Variants in ENTREP2 observed in about 807,000 individuals in gnomAD.
ENTREP2 encodes protein ENTREP2.
chr15:29,454,933 G>C, the ENTREP2 span, among the ~76,000 whole-genome samples: 1 of 152,324 alleles, frequency 6.6e-6, no homozygotes, highest in Admixed American at 6.5e-5. Context: ...AAAGCACTTA[G>C]AACAGTGGCT....
At chr15:29,299,681 A>G in the ENTREP2 span, among the ~76,000 whole-genome samples, 1 of 152,114 alleles carries the variant, frequency 6.6e-6, no homozygotes, top group African/African-American at 2.4e-5. Context: ...TTATCACTTT[A>G]TAATATATAA....
chr15:29,269,648 C>T, the ENTREP2 span: 1 of 1,573,190 alleles, frequency 6.4e-7, no homozygotes, highest in Non-Finnish European at 8.6e-7. Context: ...TGGCTCCAGT[C>T]TCTGTCCCTC....
chr15:29,134,619 G>A, the ENTREP2 span, among the ~76,000 whole-genome samples: 1 of 152,244 alleles, frequency 6.6e-6, no homozygotes, highest in Non-Finnish European at 1.5e-5. Flanking sequence ...GCACAGAGAA[G>A]TCACATCTCT....
chr15:29,621,522 C>CAAA, the ENTREP2 span, among the ~76,000 whole-genome samples: 1 of 15,636 alleles, frequency 6.4e-5, no homozygotes, highest in Non-Finnish European at 1.0e-4. Flanking sequence ...GACTCTGTCT[C>CAAA]AAAAAAAAAA....
chr15:29,294,393 G>A, the ENTREP2 span, among the ~76,000 whole-genome samples: 1 of 152,230 alleles, frequency 6.6e-6, no homozygotes, highest in South Asian at 2.1e-4. Flanking sequence ...GGCAGAAGGA[G>A]GTCCAGGCAT....
the ENTREP2 span, among the ~76,000 whole-genome samples, chr15:29,286,530 G>C: frequency 3.6e-4 from 55 of 152,312 alleles, no homozygotes; most frequent in African/African-American, 1.3e-3. Context: ...TCTCAAATGT[G>C]AACTCCTTTT....
At chr15:29,195,299 C>T in the ENTREP2 span, 1 of 985,300 alleles carries the variant, frequency 1.0e-6, no homozygotes, top group Non-Finnish European at 1.2e-6. Context: ...TCTCTCTGTA[C>T]ATCTTTGCTT....
the ENTREP2 span, among the ~76,000 whole-genome samples, chr15:29,356,296 ATTTTTTTTTTTTTTTTTTTTTTT>A: frequency 8.7e-5 from 3 of 34,388 alleles, no homozygotes; most frequent in African/African-American, 2.6e-4. Flanking sequence ...ATATATATAT[ATTTTTTTTTTTTTTTTTTTTTTT>A]TTTTTGAGAC....
chr15:29,224,107 C>T, the ENTREP2 span, among the ~76,000 whole-genome samples: 924 of 152,222 alleles, frequency 6.1e-3, 11 homozygotes, highest in African/African-American at 0.021. Context: ...TTCTGGTGTT[C>T]GGATGCGTTC....
the ENTREP2 span, among the ~76,000 whole-genome samples, chr15:29,270,767 C>A: frequency 6.6e-6 from 1 of 152,194 alleles, no homozygotes; most frequent in South Asian, 2.1e-4. Context: ...TTCATTAACT[C>A]AAACCATCAG....
At chr15:29,197,760 C>T in the ENTREP2 span, among the ~76,000 whole-genome samples, 6 of 145,350 alleles carry the variant, frequency 4.1e-5, no homozygotes, top group African/African-American at 1.6e-4. Context: ...AGCAAGACTC[C>T]ATCTCAAAAA....
chr15:29,349,106 C>T, the ENTREP2 span, among the ~76,000 whole-genome samples: 1 of 152,176 alleles, frequency 6.6e-6, no homozygotes, highest in African/African-American at 2.4e-5. Context: ...TCTTTCCAGA[C>T]CCCCCGAAAG....
At chr15:29,432,549 C>T in the ENTREP2 span, among the ~76,000 whole-genome samples, 1 of 152,208 alleles carries the variant, frequency 6.6e-6, no homozygotes, top group African/African-American at 2.4e-5. Flanking sequence ...TCCCATCAGA[C>T]CCTCTCCCCA....
the ENTREP2 span, among the ~76,000 whole-genome samples, chr15:29,310,077 C>T: frequency 1.3e-5 from 2 of 152,020 alleles, no homozygotes; most frequent in Non-Finnish European, 2.9e-5. Flanking sequence ...TCACCAGCAG[C>T]AATCAAGACA....
At chr15:29,659,050 A>C in the ENTREP2 span, among the ~76,000 whole-genome samples, 4 of 152,274 alleles carry the variant, frequency 2.6e-5, no homozygotes, top group Non-Finnish European at 5.9e-5. Context: ...TGGCAAAATC[A>C]CAATGAACCT....
At chr15:29,253,663 G>A in the ENTREP2 span, among the ~76,000 whole-genome samples, 7 of 151,968 alleles carry the variant, frequency 4.6e-5, no homozygotes, top group East Asian at 1.9e-4. Context: ...GGACGGTCTC[G>A]ATCTCTTGAC....
At chr15:29,661,177 C>T in the ENTREP2 span, among the ~76,000 whole-genome samples, 2 of 152,112 alleles carry the variant, frequency 1.3e-5, no homozygotes, top group South Asian at 2.1e-4. Context: ...ACAATTGCAT[C>T]CTCTGAGAAG....
chr15:29,390,052 C>T, the ENTREP2 span, among the ~76,000 whole-genome samples: 8 of 152,134 alleles, frequency 5.3e-5, no homozygotes, highest in African/African-American at 9.6e-5. Flanking sequence ...AGGCTTTTCA[C>T]GGCCCAGGTG....
chr15:29,542,157 C>T, the ENTREP2 span, among the ~76,000 whole-genome samples: 3 of 152,126 alleles, frequency 2.0e-5, no homozygotes, highest in South Asian at 2.1e-4. Context: ...GGATTACAGG[C>T]GTGTGCCACC....
Sources: gnomAD v4.1 joint callset for allele counts (sites outside exome capture counted in the v4.1 genomes callset) on GRCh38, gnomAD v4.1.1 for gene constraint, MANE v1.5 for transcripts, NCBI Gene and HGNC (gene_info 2026-07-23, HGNC 2026-07-21) for gene names.